Variants in FGF13 observed in about 807,000 individuals in gnomAD.
FGF13 encodes fibroblast growth factor homologous factor 2.
In FGF13, 2 loss-of-function variants were observed where a neutral mutation model predicts 19.5. That is an observed-to-expected ratio of 0.10 (90% CI 0.04 to 0.32). The LOEUF is 0.32. Ranked by LOEUF, FGF13 falls within the 10% of genes least tolerant of loss-of-function variation. The pLI is 1.00. For missense variants in FGF13, 113 were observed against 192.7 expected (o/e 0.59, Z 2.45); for synonymous variants, 72 against 76.9 (o/e 0.94, Z 0.33).
At chrX:139,182,138 T>C (rs991596191) in intron 1 of FGF13, among the ~76,000 whole-genome samples, 3 of 111,914 alleles carry the variant, frequency 2.7e-5, no homozygotes, top group Non-Finnish European at 5.6e-5. Context: ...ACTGATTTAA[T>C]ACACACAACA....
chrX:138,800,453 T>C (rs2090819609), intron 3 of FGF13, among the ~76,000 whole-genome samples: 1 of 112,128 alleles, frequency 8.9e-6, no homozygotes, highest in Non-Finnish European at 1.9e-5. Context: ...GCTGTTAGTC[T>C]GATGGGCTCC....
intron 1 of FGF13, among the ~76,000 whole-genome samples, chrX:138,962,855 G>A (rs888287142): frequency 2.7e-5 from 3 of 111,563 alleles, no homozygotes; most frequent in Admixed American, 9.5e-5. Flanking sequence ...ATGGGGTTGT[G>A]GGACGGGGAG....
intron 1 of FGF13, among the ~76,000 whole-genome samples, chrX:139,046,157 G>A (rs1376437004): frequency 1.1e-5 from 1 of 88,217 alleles, no homozygotes; most frequent in Non-Finnish European, 2.3e-5. Context: ...GCCTCAGGAA[G>A]CTTACAATCA....
chrX:139,073,160 T>C (rs2092382357), intron 1 of FGF13, among the ~76,000 whole-genome samples: 2 of 101,326 alleles, frequency 2.0e-5, no homozygotes. Flanking sequence ...GTGTCTCACA[T>C]TGCTCCCTCC....
chrX:139,194,004 T>C (rs1490205911), intron 1 of FGF13, among the ~76,000 whole-genome samples: 1 of 112,098 alleles, frequency 8.9e-6, no homozygotes, highest in African/African-American at 3.2e-5. Context: ...TATGTACTTT[T>C]ACAAAATACT....
At chrX:139,135,085 T>G (rs2083789435) in intron 1 of FGF13, among the ~76,000 whole-genome samples, 1 of 112,592 alleles carries the variant, frequency 8.9e-6, no homozygotes. Flanking sequence ...ATTCATTACT[T>G]TATTTTTAAA....
At chrX:138,927,302 CTCCATAGACCCA>C (rs1055282721) in intron 1 of FGF13, among the ~76,000 whole-genome samples, 1 of 112,045 alleles carries the variant, frequency 8.9e-6, no homozygotes, top group Non-Finnish European at 1.9e-5. Context: ...TCCAACTGTG[CTCCATAGACCCA>C]TCCATAGACC....
At chrX:139,102,732 C>T (rs1265290513) in intron 1 of FGF13, among the ~76,000 whole-genome samples, 4 of 112,235 alleles carry the variant, frequency 3.6e-5, no homozygotes, top group Admixed American at 2.8e-4. Flanking sequence ...ATTGTGCAGC[C>T]CCACATGCTG....
At chrX:139,134,560 T>C (rs1398051679) in intron 1 of FGF13, among the ~76,000 whole-genome samples, 2 of 111,498 alleles carry the variant, frequency 1.8e-5, no homozygotes, top group Non-Finnish European at 3.8e-5. Flanking sequence ...AATCCAACCA[T>C]GTCAACCCAT....
At chrX:139,194,193 GA>G (rs1423422357) in intron 1 of FGF13, among the ~76,000 whole-genome samples, 1 of 111,053 alleles carries the variant, frequency 9.0e-6, no homozygotes, top group East Asian at 2.8e-4. Flanking sequence ...GACGTTGAGG[GA>G]AAAAAAGGAA....
At chrX:139,067,134 A>C (rs185479848) in intron 1 of FGF13, among the ~76,000 whole-genome samples, 1 of 111,953 alleles carries the variant, frequency 8.9e-6, no homozygotes, top group Admixed American at 9.5e-5. Flanking sequence ...ACATAATTGC[A>C]AAATAATAAG....
At chrX:138,916,922 A>G (rs73241084) in intron 1 of FGF13, among the ~76,000 whole-genome samples, 2 of 111,686 alleles carry the variant, frequency 1.8e-5, no homozygotes, top group Non-Finnish European at 3.8e-5. Flanking sequence ...TCCCTAAATT[A>G]CCCAAACAAA....
chrX:138,996,802 T>C (rs373946857), intron 1 of FGF13, among the ~76,000 whole-genome samples: 1 of 112,261 alleles, frequency 8.9e-6, no homozygotes, highest in Non-Finnish European at 1.9e-5. Flanking sequence ...AGAGCAGTGG[T>C]TCTCCCAGCA....
chrX:138,876,859 A>G (rs2091392574), intron 1 of FGF13, among the ~76,000 whole-genome samples: 1 of 112,617 alleles, frequency 8.9e-6, no homozygotes, highest in African/African-American at 3.2e-5. Context: ...TTACCATGAT[A>G]AAGATAAACA....
intron 1 of FGF13, among the ~76,000 whole-genome samples, chrX:138,893,243 GA>G (rs776370472): frequency 1.2e-3 from 130 of 111,494 alleles, no homozygotes; most frequent in South Asian, 6.1e-3. Context: ...CCCACACCCA[GA>G]TCCTTTGCTT....
At chrX:138,993,446 T>G (rs1181505283) in intron 1 of FGF13, among the ~76,000 whole-genome samples, 5 of 112,067 alleles carry the variant, frequency 4.5e-5, no homozygotes, top group Admixed American at 2.8e-4. Flanking sequence ...AAAATGTCCC[T>G]TTTTGCAATC....
chrX:139,061,885 T>A (rs1489829826), intron 1 of FGF13, among the ~76,000 whole-genome samples: 1 of 111,619 alleles, frequency 9.0e-6, no homozygotes, highest in East Asian at 2.8e-4. Context: ...AAATGACTAT[T>A]CAAGTCCCTT....
chrX:138,784,030 T>C (rs1393484607), intron 3 of FGF13, among the ~76,000 whole-genome samples: 1 of 98,167 alleles, frequency 1.0e-5, no homozygotes, highest in African/African-American at 3.7e-5. Context: ...ATGGATGAAA[T>C]TGGAAATCAT....
chrX:139,133,639 A>G (rs2083778474), intron 1 of FGF13, among the ~76,000 whole-genome samples: 1 of 111,144 alleles, frequency 9.0e-6, no homozygotes, highest in African/African-American at 3.3e-5. Flanking sequence ...GCACCTTCTC[A>G]TATTCACTGG....
Sources: allele counts gnomAD v4.1 joint callset (sites outside exome capture counted in the v4.1 genomes callset), GRCh38; gene constraint gnomAD v4.1.1; transcripts MANE v1.5; gene names NCBI Gene and HGNC (gene_info 2026-07-23, HGNC 2026-07-21).